Variants in RIMS2 observed in about 807,000 individuals in gnomAD.
The protein encoded by RIMS2 is regulating synaptic membrane exocytosis 2, also known as regulating synaptic membrane exocytosis protein 2.
Under a neutral mutation model 174.4 loss-of-function variants are expected in RIMS2, and 59 were observed. That is an observed-to-expected ratio of 0.34 (90% CI 0.27 to 0.42). The LOEUF is 0.42. RIMS2 is among the 10% of genes least tolerant of loss of function. RIMS2 has a pLI of 1.00. For missense variants in RIMS2, 1,620 were observed against 1,666.3 expected (o/e 0.97, Z 0.48); for synonymous variants, 606 against 572.5 (o/e 1.06, Z -0.84).
chr8:103,939,324 G>C (rs1284472941), intron 13 of RIMS2, among the ~76,000 whole-genome samples: 1 of 152,222 alleles, frequency 6.6e-6, no homozygotes, highest in East Asian at 1.9e-4. Context: ...ACACCATGTG[G>C]AAGCTGCCAA....
intron 19 of RIMS2, among the ~76,000 whole-genome samples, chr8:104,240,224 A>T (rs548023973): frequency 5.9e-4 from 90 of 152,330 alleles, no homozygotes; most frequent in African/African-American, 2.0e-3. Context: ...ATCCTTAATT[A>T]CATCTGCAAA....
At chr8:104,096,345 T>G (rs773494551) in intron 19 of RIMS2, among the ~76,000 whole-genome samples, 3 of 152,232 alleles carry the variant, frequency 2.0e-5, no homozygotes, top group Non-Finnish European at 4.4e-5. Context: ...CTTAAGTTTC[T>G]GGTTTTTAAA....
At chr8:103,522,428 A>G (rs548202221) in intron 1 of RIMS2, among the ~76,000 whole-genome samples, 1 of 152,130 alleles carries the variant, frequency 6.6e-6, no homozygotes, top group African/African-American at 2.4e-5. Context: ...TGGTCATGTT[A>G]AACAGAGTTG....
At chr8:104,084,818 A>G (rs2097506413) in intron 19 of RIMS2, among the ~76,000 whole-genome samples, 1 of 152,164 alleles carries the variant, frequency 6.6e-6, no homozygotes, top group South Asian at 2.1e-4. Flanking sequence ...CCTATTAAGA[A>G]GGTATTGTCT....
chr8:103,947,062 T>A (rs2083976084), intron 14 of RIMS2, among the ~76,000 whole-genome samples: 1 of 152,196 alleles, frequency 6.6e-6, no homozygotes, highest in African/African-American at 2.4e-5. Flanking sequence ...ACAAAATAGT[T>A]AATTTAGACC....
chr8:103,603,497 C>T (rs917340031), intron 1 of RIMS2, among the ~76,000 whole-genome samples: 2 of 151,760 alleles, frequency 1.3e-5, no homozygotes, highest in African/African-American at 4.8e-5. Context: ...ATTTAGAGTT[C>T]TTTGGGTATA....
intron 1 of RIMS2, among the ~76,000 whole-genome samples, chr8:103,681,945 T>C (rs917462512): frequency 6.6e-6 from 1 of 152,012 alleles, no homozygotes. Flanking sequence ...TCAAAGCACA[T>C]GTAGGATGTA....
intron 3 of RIMS2, among the ~76,000 whole-genome samples, chr8:103,879,730 A>G (rs1233533808): frequency 6.6e-6 from 1 of 151,632 alleles, no homozygotes; most frequent in Non-Finnish European, 1.5e-5. Flanking sequence ...ATCTAAAAAC[A>G]GCACAGCACT....
At chr8:103,833,199 T>TTGA (rs1229844530) in intron 3 of RIMS2, among the ~76,000 whole-genome samples, 1 of 152,238 alleles carries the variant, frequency 6.6e-6, no homozygotes, top group Non-Finnish European at 1.5e-5. Flanking sequence ...TCATAGATTT[T>TTGA]TGATGAGAAG....
rs532273383 is a variant in RIMS2, at chr8:103,640,110, T to C, written c.177-56976T>C. Reference sequence around the variant, plus strand: ...TTAAAATAGACATAGACCTCTCCTTTTGTAAGCATTGGTACATTGTTTCTT... The same window carrying C: ...TTAAAATAGACATAGACCTCTCCTTCTGTAAGCATTGGTACATTGTTTCTT... On this transcript the variant is annotated intron_variant, in intron 1 of 23. Coordinates refer to ENST00000504942, the Ensembl canonical transcript of RIMS2. 2.6e-5 allele frequency among the ~76,000 whole-genome samples: 4 copies of C among 152,058 alleles called. No individual in the cohort carries two copies. In the South Asian group the frequency reaches 8.3e-4, roughly 31 times the overall value.
At position 104,010,355 on chromosome 8, in the gene RIMS2, T is replaced by C. The variant is rs113431477; in HGVS notation, c.3045-3087T>C. 6.6e-5 allele frequency among the ~76,000 whole-genome samples: 10 copies of C among 152,322 alleles called. 2 individuals carry two copies. Among genetic ancestry groups the C allele is most frequent in the African/African-American group, 2.4e-4 (10 of 41,588 alleles). ...AATAAATACTGAACACTTTCAGTTT[T>C]AGTTTTTCTTATGCATAAAGATTGC... On this transcript the variant is annotated intron_variant, in intron 17 of 23. Coordinates refer to ENST00000504942, the Ensembl canonical transcript of RIMS2.
At chr8:103,676,760 A>C (rs951352477) in intron 1 of RIMS2, among the ~76,000 whole-genome samples, 7 of 152,154 alleles carry the variant, frequency 4.6e-5, no homozygotes, top group African/African-American at 1.7e-4. Context: ...AGGAGGGTGG[A>C]TCACTTGAGG....
At chr8:103,805,240 G>A (rs1019668924) in intron 3 of RIMS2, among the ~76,000 whole-genome samples, 1 of 152,098 alleles carries the variant, frequency 6.6e-6, no homozygotes, top group African/African-American at 2.4e-5. Flanking sequence ...ATCCTGAAGA[G>A]TGAATTAGTC....
chr8:104,248,777 C>T, exon 21 of RIMS2: 1 of 1,611,114 alleles, frequency 6.2e-7, no homozygotes, highest in Non-Finnish European at 8.5e-7. Context: ...CCCTGCTCAG[C>T]TAGTGGGACG....
At chr8:104,097,838 T>G (rs1286847791) in intron 19 of RIMS2, among the ~76,000 whole-genome samples, 1 of 152,204 alleles carries the variant, frequency 6.6e-6, no homozygotes, top group Non-Finnish European at 1.5e-5. Context: ...TTGCGGCTTT[T>G]GCCATTACTT....
At chr8:103,552,097 A>G (rs1475833572) in intron 1 of RIMS2, among the ~76,000 whole-genome samples, 1 of 152,178 alleles carries the variant, frequency 6.6e-6, no homozygotes, top group African/African-American at 2.4e-5. Context: ...ATTGGAAAAA[A>G]CTACTTTAAA....
chr8:103,816,409 C>T (rs1046602193), intron 3 of RIMS2, among the ~76,000 whole-genome samples: 10 of 152,128 alleles, frequency 6.6e-5, no homozygotes, highest in African/African-American at 2.4e-4. Context: ...ACCGCCTACC[C>T]TGTACTAGGC....
intron 14 of RIMS2, among the ~76,000 whole-genome samples, chr8:103,945,170 T>A (rs2083421119): frequency 6.6e-6 from 1 of 152,040 alleles, no homozygotes; most frequent in Non-Finnish European, 1.5e-5. Flanking sequence ...GTAATTCCCC[T>A]TTGGGGAATT....
intron 19 of RIMS2, among the ~76,000 whole-genome samples, chr8:104,209,950 G>C (rs953652537): frequency 6.6e-6 from 1 of 152,118 alleles, no homozygotes; most frequent in Admixed American, 6.6e-5. Flanking sequence ...AACCATTTTA[G>C]GCTGAGCAGG....
Sources: gnomAD v4.1 joint callset for allele counts (sites outside exome capture counted in the v4.1 genomes callset) on GRCh38, gnomAD v4.1.1 for gene constraint, MANE v1.5 for transcripts, NCBI Gene and HGNC (gene_info 2026-07-23, HGNC 2026-07-21) for gene names.